MGA: variants seen among roughly 807,000 people sequenced by gnomAD.
MGA encodes MAX gene-associated protein.
A neutral mutation model predicts 261.1 loss-of-function variants in MGA; 40 were observed. That is an observed-to-expected ratio of 0.15 (90% CI 0.12 to 0.20). The LOEUF (loss-of-function observed/expected upper bound fraction) is 0.20. Ranked by LOEUF, MGA falls within the 10% of genes least tolerant of loss-of-function variation. The pLI is 1.00. For missense variants in MGA, 3,397 were observed against 3,630.5 expected (o/e 0.94, Z 1.65); for synonymous variants, 1,302 against 1,290.6 (o/e 1.01, Z -0.19).
chr15:41,684,808 C>G (rs2058864680), intron 2 of MGA: 1 of 152,956 alleles, frequency 6.5e-6, no homozygotes, highest in Non-Finnish European at 1.5e-5. Context: ...TACATAAGAA[C>G]TGAGATAACT....
intron 1 of MGA, among the ~76,000 whole-genome samples, chr15:41,631,971 A>G (rs1428553684): frequency 1.3e-5 from 2 of 152,120 alleles, no homozygotes; most frequent in Non-Finnish European, 2.9e-5. Context: ...GGTTTATCTG[A>G]TCATATTACT....
intron 1 of MGA, among the ~76,000 whole-genome samples, chr15:41,667,391 G>C (rs189600245): frequency 7.6e-4 from 115 of 152,014 alleles, no homozygotes; most frequent in Middle Eastern, 6.8e-3. Flanking sequence ...GATTATGGGC[G>C]CACACCACCA....
intron 1 of MGA, among the ~76,000 whole-genome samples, chr15:41,633,173 TCTC>T (rs760386162): frequency 1.4e-4 from 22 of 151,994 alleles, no homozygotes; most frequent in Admixed American, 3.3e-4. Context: ...ATGGTCTTGA[TCTC>T]CTGACCTTGT....
At chr15:41,694,379 C>T (rs1345685451) in intron 2 of MGA, among the ~76,000 whole-genome samples, 2 of 151,584 alleles carry the variant, frequency 1.3e-5, no homozygotes, top group Non-Finnish European at 2.9e-5. Flanking sequence ...GCCTGGGTGA[C>T]AGAGCAAGAC....
chr15:41,734,477 A>G (rs1209648710), intron 11 of MGA, 45 bp from the exon 12 acceptor site: 3 of 1,443,908 alleles, frequency 2.1e-6, no homozygotes, highest in Middle Eastern at 3.4e-4. Context: ...GTGGGTATTG[A>G]ATATATGTTA....
Position 41,750,373 on chromosome 15 carries a change from G to T in MGA, c.6766G>T (p.Val2256Phe). 1.9e-6 allele frequency: 3 copies of T among 1,613,924 alleles called. No homozygotes were observed. The highest frequency in any genetic ancestry group is 2.5e-6 in the Non-Finnish European group (3 of 1,179,874). Reference sequence around the variant, plus strand: ...TTCTAATCCTTCAGCCTTCTCCATTGTTCCTAGGAGAGCTGCAAAAAGCAG... The same window carrying T: ...TTCTAATCCTTCAGCCTTCTCCATTTTTCCTAGGAGAGCTGCAAAAAGCAG... The change falls in exon 17 of 24, where the codon GTT becomes TTT. Residue 2256 changes from valine to phenylalanine, a missense_variant. Around this residue, in one of 9 missense-constraint regions of MGA, gnomAD observed 1,410 missense variants for 1,386.4 expected, o/e 1.02. Coordinates refer to ENST00000219905, the MANE Select transcript of MGA (RefSeq NM_001164273.2).
intron 1 of MGA, among the ~76,000 whole-genome samples, chr15:41,651,081 G>A (rs1020886424): frequency 2.6e-5 from 4 of 152,168 alleles, no homozygotes; most frequent in African/African-American, 9.6e-5. Context: ...GAGATAGAGG[G>A]GGACACCGGG....
intron 15 of MGA, among the ~76,000 whole-genome samples, chr15:41,746,969 A>G (rs2062532406): frequency 2.9e-4 from 1 of 3,422 alleles, no homozygotes; most frequent in Admixed American, 4.6e-3. Flanking sequence ...TATCTCTTTG[A>G]TCTAAAAAAA....
intron 2 of MGA, among the ~76,000 whole-genome samples, chr15:41,681,035 T>C (rs1479452313): frequency 6.6e-6 from 1 of 152,152 alleles, no homozygotes; most frequent in Non-Finnish European, 1.5e-5. Context: ...TGAATGACAG[T>C]CCCTTCTGTC....
At chr15:41,672,973 C>G (rs950700476) in intron 2 of MGA, among the ~76,000 whole-genome samples, 1 of 152,156 alleles carries the variant, frequency 6.6e-6, no homozygotes, top group Non-Finnish European at 1.5e-5. Flanking sequence ...GGTAAACACA[C>G]TGATCTTTAT....
At chr15:41,656,370 C>CTCTCTCTCTCTCTCTCTCTCTG (rs2057189911), upstream of MGA, among the ~76,000 whole-genome samples, 1 of 133,038 alleles carries the variant, frequency 7.5e-6, no homozygotes, top group Non-Finnish European at 1.8e-5. Flanking sequence ...CTCTCTCTCT[C>CTCTCTCTCTCTCTCTCTCTCTG]TCTCTCTCAC....
intron 1 of MGA, among the ~76,000 whole-genome samples, chr15:41,661,169 T>G (rs999924698): frequency 1.3e-5 from 2 of 152,134 alleles, no homozygotes; most frequent in Non-Finnish European, 2.9e-5. Context: ...GGTGTGTAAG[T>G]GCAGAAATGA....
At chr15:41,755,592 A>G (rs1164529319) in intron 18 of MGA, among the ~76,000 whole-genome samples, 1 of 152,270 alleles carries the variant, frequency 6.6e-6, no homozygotes, top group Non-Finnish European at 1.5e-5. Context: ...CTTTTCTTAC[A>G]AAATTGTATT....
chr15:41,758,382 A>C (rs1411588008), intron 19 of MGA, among the ~76,000 whole-genome samples: 2 of 152,106 alleles, frequency 1.3e-5, no homozygotes, highest in Non-Finnish European at 2.9e-5. Context: ...TTAATTTAAA[A>C]GATTAAAAAA....
chr15:41,646,259 A>G (rs536498070), intron 1 of MGA, among the ~76,000 whole-genome samples: 1 of 152,260 alleles, frequency 6.6e-6, no homozygotes. Context: ...CTTTCGTTGC[A>G]TCCTCATTTG....
intron 5 of MGA, 76 bp from the exon 6 acceptor site, chr15:41,707,652 C>A: frequency 7.2e-7 from 1 of 1,390,976 alleles, no homozygotes; most frequent in Non-Finnish European, 9.7e-7. Flanking sequence ...CTCCCAGGCA[C>A]AAGTTAAAAA....
intron 9 of MGA, among the ~76,000 whole-genome samples, chr15:41,726,534 G>A (rs1041290958): frequency 2.6e-5 from 4 of 152,064 alleles, no homozygotes; most frequent in African/African-American, 9.7e-5. Flanking sequence ...TTCGAGACCA[G>A]CCTGGCCAAC....
upstream of MGA, among the ~76,000 whole-genome samples, chr15:41,656,338 CCTCTCTT>C (rs1470141478): frequency 3.1e-4 from 17 of 54,624 alleles, no homozygotes; most frequent in African/African-American, 5.6e-4. Context: ...CTCTCCCTCT[CCTCTCTT>C]CTCTCTCTCT....
chr15:41,686,790 A>AGG (rs1298580476), intron 2 of MGA, among the ~76,000 whole-genome samples: 1 of 151,976 alleles, frequency 6.6e-6, no homozygotes, highest in Non-Finnish European at 1.5e-5. Flanking sequence ...ATTGATTTAG[A>AGG]GGGGAGGGGT....
Sources: allele counts gnomAD v4.1 joint callset (sites outside exome capture counted in the v4.1 genomes callset), GRCh38; gene constraint gnomAD v4.1.1; regional missense constraint gnomAD v4.1.1; transcripts MANE v1.5; gene names NCBI Gene and HGNC (gene_info 2026-07-23, HGNC 2026-07-21).